SPATA13: variants seen among roughly 807,000 people sequenced by gnomAD.
SPATA13 encodes the protein spermatogenesis-associated protein 13.
Under a neutral mutation model 104.0 loss-of-function variants are expected in SPATA13, and 50 were observed. The ratio of observed to expected loss-of-function variants is 0.48; its 90% confidence interval spans 0.38 to 0.61. The LOEUF (loss-of-function observed/expected upper bound fraction) is 0.61, where lower values mean the gene tolerates loss of function less well. Ranked by LOEUF, SPATA13 falls within the 20% of genes least tolerant of loss-of-function variation. The probability of loss-of-function intolerance (pLI) is 0.00; values close to 1 mark genes in which losing one functional copy is unlikely to be tolerated. For missense variants in SPATA13, 1,524 were observed against 1,690.6 expected, an observed-to-expected ratio of 0.90 and a Z score of 1.73; for synonymous variants, 606 against 667.5, an observed-to-expected ratio of 0.91 and a Z score of 1.42.
intron 7 of SPATA13, among the ~76,000 whole-genome samples, chr13:24,287,911 A>G (rs998458002): frequency 1.3e-5 from 2 of 152,170 alleles, no homozygotes; most frequent in Non-Finnish European, 2.9e-5. Flanking sequence ...TGATATCTGC[A>G]CTATCAGTTC....
chr13:24,124,081 C>T (rs1005895263), intron 3 of SPATA13, among the ~76,000 whole-genome samples: 6 of 152,080 alleles, frequency 3.9e-5, no homozygotes, highest in Non-Finnish European at 7.4e-5. Context: ...TTGTCAGAAT[C>T]GTCACCAGCT....
chr13:24,080,184 C>T (rs948582303), intron 3 of SPATA13, among the ~76,000 whole-genome samples: 3 of 152,152 alleles, frequency 2.0e-5, no homozygotes, highest in Admixed American at 1.3e-4. Context: ...TTCTTCTTTG[C>T]CATAAAAGGA....
intron 10 of SPATA13, among the ~76,000 whole-genome samples, chr13:24,296,564 G>A (rs1876797565): frequency 2.0e-5 from 3 of 152,146 alleles, no homozygotes; most frequent in African/African-American, 7.2e-5. Context: ...CAATTCCAGG[G>A]AGCTGCCATA....
chr13:24,240,814 T>C (rs917152325), intron 2 of SPATA13, among the ~76,000 whole-genome samples: 1 of 152,246 alleles, frequency 6.6e-6, no homozygotes, highest in African/African-American at 2.4e-5. Flanking sequence ...TTCGCATCTT[T>C]TATCATCCAC....
intron 2 of SPATA13, among the ~76,000 whole-genome samples, chr13:23,984,781 C>G (rs1875071773): frequency 6.6e-6 from 1 of 152,000 alleles, no homozygotes. Flanking sequence ...GTATCCCAGC[C>G]AAAAAAGACT....
intron 1 of SPATA13, among the ~76,000 whole-genome samples, chr13:24,174,422 T>C (rs1883131253): frequency 6.6e-6 from 1 of 151,916 alleles, no homozygotes; most frequent in Non-Finnish European, 1.5e-5. Flanking sequence ...GGAGATTAGA[T>C]TGATTTGAGA....
intron 3 of SPATA13, among the ~76,000 whole-genome samples, chr13:24,117,508 T>C (rs563549660): frequency 9.2e-5 from 14 of 152,312 alleles, no homozygotes; most frequent in Middle Eastern, 3.4e-3. Context: ...TTTAGTGATG[T>C]CAGTTTTTGA....
intron 3 of SPATA13, among the ~76,000 whole-genome samples, chr13:24,066,385 A>G (rs566167899): frequency 1.3e-5 from 2 of 152,156 alleles, no homozygotes; most frequent in Non-Finnish European, 2.9e-5. Context: ...TGAGACTCAG[A>G]GTTTAAAGGA....
At chr13:24,244,837 A>G (rs928752470) in intron 2 of SPATA13, among the ~76,000 whole-genome samples, 3 of 152,256 alleles carry the variant, frequency 2.0e-5, no homozygotes, top group African/African-American at 4.8e-5. Context: ...CCTGGGCAAC[A>G]GAGTGAGACT....
At chr13:24,120,497 G>A (rs1230904553) in intron 3 of SPATA13, among the ~76,000 whole-genome samples, 1 of 152,148 alleles carries the variant, frequency 6.6e-6, no homozygotes, top group Admixed American at 6.5e-5. Context: ...CAGGAGCATG[G>A]TCTTCAGGGT....
In SPATA13 at chr13:24,305,438, C is replaced by G. The variant is rs1326607900; in HGVS notation, c.*2665C>G. ...AACATTTTTAAAAGGCTAGAACATC[C>G]TTTGACTTCTTGAAAATCTGCATGT... On this transcript the variant is annotated 3_prime_UTR_variant, in exon 13 of 13. Coordinates refer to ENST00000382108, the MANE Select transcript of SPATA13 (RefSeq NM_001166271.3). 6.6e-6 allele frequency: 1 copy of G among 152,198 alleles called. No individual in the cohort carries two copies. The highest frequency in any genetic ancestry group is 1.5e-5 in the Non-Finnish European group (1 of 68,050). 9.4% of individuals were successfully genotyped at this position (152,198 alleles called of 1,614,324 possible).
intron 1 of SPATA13, among the ~76,000 whole-genome samples, chr13:24,201,527 G>A (rs867918181): frequency 6.6e-6 from 1 of 152,008 alleles, no homozygotes; most frequent in Non-Finnish European, 1.5e-5. Flanking sequence ...TGCAACCTCC[G>A]CCTCCCAGGT....
chr13:24,070,073 A>T (rs955247047), intron 3 of SPATA13, among the ~76,000 whole-genome samples: 3 of 152,224 alleles, frequency 2.0e-5, no homozygotes, highest in Non-Finnish European at 1.5e-5. Flanking sequence ...AGCTCCAAGA[A>T]CATAGTTTAG....
intron 1 of SPATA13, among the ~76,000 whole-genome samples, chr13:24,186,243 C>T (rs1307695522): frequency 1.3e-5 from 2 of 152,132 alleles, no homozygotes; most frequent in Non-Finnish European, 2.9e-5. Context: ...TTTGCTTCAC[C>T]TGCTTACATG....
chr13:23,986,442 G>C (rs906232981), intron 2 of SPATA13, among the ~76,000 whole-genome samples: 11 of 152,160 alleles, frequency 7.2e-5, no homozygotes, highest in Admixed American at 7.2e-4. Flanking sequence ...GTTTTGATTA[G>C]TTTTTAAGGT....
At chr13:24,165,963 A>G (rs1882714778) in intron 1 of SPATA13, among the ~76,000 whole-genome samples, 1 of 152,130 alleles carries the variant, frequency 6.6e-6, no homozygotes, top group African/African-American at 2.4e-5. Flanking sequence ...TCTATAGCTA[A>G]AAGAAAAATA....
intron 3 of SPATA13, among the ~76,000 whole-genome samples, chr13:24,046,957 A>G (rs1363367083): frequency 1.3e-5 from 2 of 151,984 alleles, no homozygotes; most frequent in East Asian, 1.9e-4. Flanking sequence ...TTATTACTTT[A>G]TTACTCAAAT....
intron 2 of SPATA13, among the ~76,000 whole-genome samples, chr13:23,990,591 C>T (rs1875365533): frequency 6.6e-6 from 1 of 152,214 alleles, no homozygotes; most frequent in Non-Finnish European, 1.5e-5. Flanking sequence ...CAACACTCCC[C>T]AGCCTGGTTT....
intron 3 of SPATA13, among the ~76,000 whole-genome samples, chr13:24,063,627 C>T (rs941074819): frequency 6.6e-6 from 1 of 152,184 alleles, no homozygotes; most frequent in Non-Finnish European, 1.5e-5. Context: ...AATTACACAG[C>T]TTCCCTGAGC....
Sources: allele counts gnomAD v4.1 joint callset (sites outside exome capture counted in the v4.1 genomes callset), GRCh38; gene constraint gnomAD v4.1.1; transcripts MANE v1.5; gene names NCBI Gene and HGNC (gene_info 2026-07-23, HGNC 2026-07-21).